The following EVA1C variants were observed in gnomAD, a reference collection of about 807,000 sequenced individuals.
EVA1C encodes protein eva-1 homolog C.
A neutral mutation model predicts 45.4 loss-of-function variants in EVA1C; 25 were observed. The observed-to-expected ratio is 0.55, with a 90% CI of 0.40 to 0.77. The LOEUF is 0.77. Ranked by LOEUF, EVA1C falls within the 30% of genes least tolerant of loss-of-function variation. The pLI is 0.00. For missense variants in EVA1C, 479 were observed against 554.8 expected, an observed-to-expected ratio of 0.86 and a Z score of 1.37; for synonymous variants, 190 against 221.2, an observed-to-expected ratio of 0.86 and a Z score of 1.25.
chr21:32,449,076 T>C (rs1218009831), intron 1 of EVA1C, among the ~76,000 whole-genome samples: 2 of 151,210 alleles, frequency 1.3e-5, no homozygotes, highest in African/African-American at 2.4e-5. Context: ...GAAAGAAAAA[T>C]GGAGCAAAAA....
intron 2 of EVA1C, among the ~76,000 whole-genome samples, chr21:32,454,045 A>G (rs1024320561): frequency 3.3e-5 from 5 of 152,170 alleles, no homozygotes; most frequent in African/African-American, 7.2e-5. Flanking sequence ...CCTGGCCAAT[A>G]TGGTGAAACC....
intron 3 of EVA1C, among the ~76,000 whole-genome samples, chr21:32,458,076 C>T (rs1176322956): frequency 6.6e-6 from 1 of 152,180 alleles, no homozygotes; most frequent in South Asian, 2.1e-4. Flanking sequence ...TTCTGCGTTT[C>T]AGAGGTGTCT....
intron 4 of EVA1C, among the ~76,000 whole-genome samples, chr21:32,492,181 A>G (rs574125801): frequency 4.3e-4 from 66 of 152,356 alleles, no homozygotes; most frequent in African/African-American, 1.5e-3. Flanking sequence ...GGTGATGAGC[A>G]CCAGGGAGCT....
At chr21:32,453,055 G>A (rs563608626) in intron 1 of EVA1C, 29 of 405,768 alleles carry the variant, frequency 7.1e-5, no homozygotes, top group African/African-American at 5.5e-4. Flanking sequence ...TGGAGCCCTC[G>A]CCAGGGACCC....
chr21:32,415,982 A>G (rs2034021570), intron 1 of EVA1C, among the ~76,000 whole-genome samples: 1 of 152,242 alleles, frequency 6.6e-6, no homozygotes, highest in East Asian at 1.9e-4. Context: ...CATTGACTTA[A>G]AAAACAAAAC....
intron 4 of EVA1C, among the ~76,000 whole-genome samples, chr21:32,468,310 A>C (rs1361870781): frequency 6.6e-6 from 1 of 152,002 alleles, no homozygotes; most frequent in Non-Finnish European, 1.5e-5. Context: ...TGAAGGTTGC[A>C]GTGAGCCGAG....
At chr21:32,465,282 A>G (rs2036132709) in intron 3 of EVA1C, among the ~76,000 whole-genome samples, 1 of 152,212 alleles carries the variant, frequency 6.6e-6, no homozygotes, top group African/African-American at 2.4e-5. Context: ...CAATCCAGGA[A>G]AGAAAAGTGG....
intron 4 of EVA1C, 96 bp from the exon 5 acceptor site, chr21:32,494,931 C>G: frequency 7.8e-7 from 1 of 1,287,488 alleles, no homozygotes; most frequent in South Asian, 1.4e-5. Context: ...TGATTTGAAT[C>G]CAGCTCAGCA....
At chr21:32,464,675 A>C (rs981438800) in intron 3 of EVA1C, among the ~76,000 whole-genome samples, 1 of 152,038 alleles carries the variant, frequency 6.6e-6, no homozygotes, top group African/African-American at 2.4e-5. Flanking sequence ...TACAAAAATT[A>C]GCCAGGCATG....
chr21:32,413,188 C>T (rs555538428), intron 1 of EVA1C, among the ~76,000 whole-genome samples, 175 bp downstream of exon 1: 1 of 152,302 alleles, frequency 6.6e-6, no homozygotes, highest in African/African-American at 2.4e-5. Flanking sequence ...AGTGAAGTGG[C>T]GACGGGGGAC....
chr21:32,440,612 C>T (rs774725278), intron 1 of EVA1C, among the ~76,000 whole-genome samples: 2 of 152,000 alleles, frequency 1.3e-5, no homozygotes, highest in Non-Finnish European at 2.9e-5. Context: ...AGATGTCAAC[C>T]AATTAACTTT....
At chr21:32,504,408 C>T (rs2037656823) in intron 7 of EVA1C, among the ~76,000 whole-genome samples, 1 of 152,148 alleles carries the variant, frequency 6.6e-6, no homozygotes, top group South Asian at 2.1e-4. Context: ...AGATCATGCC[C>T]CATGAAGACA....
intron 5 of EVA1C, among the ~76,000 whole-genome samples, chr21:32,497,781 A>C (rs1179826744): frequency 6.6e-6 from 1 of 152,232 alleles, no homozygotes; most frequent in African/African-American, 2.4e-5. Flanking sequence ...GAAGGCAAGG[A>C]GGAACAAGTC....
rs1444480197 is a variant in EVA1C at position 32,437,847 on chromosome 21, GTCT to G, written c.161-15460_161-15458del. Among the ~76,000 whole-genome samples, 3 of 152,210 alleles carry G rather than the reference GTCT, an allele frequency of 2.0e-5. No individual in the cohort carries two copies. In the East Asian group the frequency reaches 5.8e-4, roughly 29 times the overall value. On this transcript the variant is annotated intron_variant, in intron 1 of 7. Transcript: ENST00000300255. ...GTCCTTAAGGCCAGGGCCATAGTGG[GTCT>G]TCTTGGTGACGAATGAGGGAGGAGC...
At chr21:32,425,563 A>G (rs1382902616) in intron 1 of EVA1C, among the ~76,000 whole-genome samples, 1 of 152,126 alleles carries the variant, frequency 6.6e-6, no homozygotes, top group East Asian at 1.9e-4. Context: ...TTCTTGTCTC[A>G]GATTTCTGTG....
At chr21:32,417,327 T>C (rs1601191980) in intron 1 of EVA1C, among the ~76,000 whole-genome samples, 1 of 152,354 alleles carries the variant, frequency 6.6e-6, no homozygotes, top group East Asian at 1.9e-4. Context: ...GTTGATTTCT[T>C]GTGAGGCCTG....
chr21:32,413,872 G>A (rs1467043445), intron 1 of EVA1C, among the ~76,000 whole-genome samples: 1 of 152,176 alleles, frequency 6.6e-6, no homozygotes, highest in Non-Finnish European at 1.5e-5. Flanking sequence ...CCCCAGCCCA[G>A]CTTAGGGAGC....
chr21:32,432,174 G>A (rs2034731021), intron 1 of EVA1C, among the ~76,000 whole-genome samples: 1 of 151,970 alleles, frequency 6.6e-6, no homozygotes, highest in African/African-American at 2.4e-5. Flanking sequence ...CACAGCAATG[G>A]TATCATGTTC....
At chr21:32,503,049 A>G (rs2833855) in intron 6 of EVA1C, among the ~76,000 whole-genome samples, 35,711 of 152,226 alleles carry the variant, frequency 0.23, 5,147 homozygotes, top group Non-Finnish European at 0.31. Flanking sequence ...CCTGTCTGAC[A>G]TGGCTAGGAG....
Sources: gnomAD v4.1 joint callset for allele counts (sites outside exome capture counted in the v4.1 genomes callset) on GRCh38, gnomAD v4.1.1 for gene constraint, MANE v1.5 for transcripts, NCBI Gene and HGNC (gene_info 2026-07-23, HGNC 2026-07-21) for gene names.